RAP1GDS1: variants seen among roughly 807,000 people sequenced by gnomAD.
The protein encoded by RAP1GDS1 is RAP1, GTP-GDP dissociation stimulator 1.
A neutral mutation model predicts 71.1 loss-of-function variants in RAP1GDS1; 35 were observed. The ratio of observed to expected loss-of-function variants is 0.49; its 90% CI spans 0.38 to 0.65. RAP1GDS1 has a LOEUF of 0.65. RAP1GDS1 is among the 30% of genes least tolerant of loss of function. RAP1GDS1 has a pLI of 0.00. For missense variants in RAP1GDS1, 663 were observed against 706.1 expected, an observed-to-expected ratio of 0.94 and a Z score of 0.69; for synonymous variants, 229 against 243.1, an observed-to-expected ratio of 0.94 and a Z score of 0.54.
chr4:98,375,878 G>A (rs1741106033), intron 4 of RAP1GDS1, among the ~76,000 whole-genome samples: 1 of 152,152 alleles, frequency 6.6e-6, no homozygotes. Context: ...GTTAGATTCA[G>A]TGGCTGTATT....
chr4:98,372,153 T>C (rs1004271365), intron 4 of RAP1GDS1, among the ~76,000 whole-genome samples: 1 of 152,068 alleles, frequency 6.6e-6, no homozygotes, highest in Non-Finnish European at 1.5e-5. Flanking sequence ...CATTACTGGC[T>C]TCTTGTGTTT....
At chr4:98,297,513 T>C (rs1310427668) in intron 2 of RAP1GDS1, among the ~76,000 whole-genome samples, 1 of 152,176 alleles carries the variant, frequency 6.6e-6, no homozygotes, top group Non-Finnish European at 1.5e-5. Flanking sequence ...TTTCAGACAT[T>C]ATTATTATAT....
At chr4:98,363,426 GTGAGCCATCA>G (rs964929607) in intron 4 of RAP1GDS1, among the ~76,000 whole-genome samples, 1 of 135,092 alleles carries the variant, frequency 7.4e-6, no homozygotes, top group Non-Finnish European at 1.5e-5. Flanking sequence ...CTAGGCTGCA[GTGAGCCATCA>G]CACCACAGCA....
chr4:98,431,619 C>T (rs553889612), intron 12 of RAP1GDS1, among the ~76,000 whole-genome samples: 1 of 152,276 alleles, frequency 6.6e-6, no homozygotes, highest in Admixed American at 6.5e-5. Context: ...TTGGCTTTAC[C>T]ACTTATTTAT....
chr4:98,337,506 A>G (rs755514867), intron 2 of RAP1GDS1, among the ~76,000 whole-genome samples: 1 of 152,298 alleles, frequency 6.6e-6, no homozygotes. Context: ...ATATGGCCTT[A>G]TTTGTAATAT....
intron 1 of RAP1GDS1, among the ~76,000 whole-genome samples, chr4:98,264,026 T>C (rs533591708): frequency 2.0e-5 from 3 of 152,324 alleles, no homozygotes; most frequent in African/African-American, 7.2e-5. Flanking sequence ...ACAATTCATG[T>C]ACACATAAGA....
intron 1 of RAP1GDS1, among the ~76,000 whole-genome samples, chr4:98,279,203 G>A (rs529121590): frequency 1.3e-5 from 2 of 152,018 alleles, no homozygotes; most frequent in African/African-American, 2.4e-5. Context: ...CAGCCTGGGC[G>A]ACAGAGCAAG....
intron 14 of RAP1GDS1, among the ~76,000 whole-genome samples, chr4:98,437,886 AAG>A (rs1162151331): frequency 2.6e-5 from 4 of 152,140 alleles, no homozygotes; most frequent in Non-Finnish European, 5.9e-5. Flanking sequence ...GACACCTGAA[AAG>A]AGTGTGTATT....
At chr4:98,286,620 A>T (rs28536684) in intron 1 of RAP1GDS1, among the ~76,000 whole-genome samples, 22,356 of 151,994 alleles carry the variant, frequency 0.15, 2,449 homozygotes, top group African/African-American at 0.3. Context: ...CGCGGTGGCT[A>T]ACGCCTATAA....
chr4:98,276,337 A>G (rs1242550800), intron 1 of RAP1GDS1, among the ~76,000 whole-genome samples: 1 of 152,172 alleles, frequency 6.6e-6, no homozygotes, highest in African/African-American at 2.4e-5. Context: ...CATTCCATCT[A>G]TAACAAGTAC....
At chr4:98,426,920 A>G (rs1456539582) in intron 12 of RAP1GDS1, among the ~76,000 whole-genome samples, 3 of 152,188 alleles carry the variant, frequency 2.0e-5, no homozygotes, top group Admixed American at 6.5e-5. Context: ...TAACAAAAAA[A>G]GAAAACTACA....
At chr4:98,397,512 A>G (rs1409855546) in intron 6 of RAP1GDS1, among the ~76,000 whole-genome samples, 1 of 152,096 alleles carries the variant, frequency 6.6e-6, no homozygotes, top group Non-Finnish European at 1.5e-5. Flanking sequence ...GAACAACCTC[A>G]AGGGAAGGGA....
intron 7 of RAP1GDS1, among the ~76,000 whole-genome samples, chr4:98,416,264 A>T (rs1747966398): frequency 6.6e-6 from 1 of 151,748 alleles, no homozygotes; most frequent in Admixed American, 6.6e-5. Context: ...TATTTAAATG[A>T]ACTGTCAAGA....
At chr4:98,386,342 A>AT (rs988482195) in intron 5 of RAP1GDS1, among the ~76,000 whole-genome samples, 11 of 151,912 alleles carry the variant, frequency 7.2e-5, no homozygotes, top group Admixed American at 5.2e-4. Context: ...TTGCTTTGGC[A>AT]TTTTTTTGTT....
At chr4:98,386,414 A>T (rs1180896899) in intron 5 of RAP1GDS1, among the ~76,000 whole-genome samples, 1 of 151,938 alleles carries the variant, frequency 6.6e-6, no homozygotes, top group African/African-American at 2.4e-5. Flanking sequence ...TAAAACTTTT[A>T]CAAAAGGGAA....
intron 12 of RAP1GDS1, among the ~76,000 whole-genome samples, chr4:98,424,770 CA>C (rs1157760868): frequency 7.0e-3 from 583 of 83,662 alleles, no homozygotes; most frequent in Middle Eastern, 0.025. Flanking sequence ...ACTCTGTCTC[CA>C]AAAAAAAAAA....
intron 1 of RAP1GDS1, among the ~76,000 whole-genome samples, chr4:98,290,893 A>G (rs1160607303): frequency 1.3e-5 from 2 of 152,110 alleles, no homozygotes; most frequent in Non-Finnish European, 2.9e-5. Flanking sequence ...GGGCATGCAT[A>G]TATTATTCAG....
At chr4:98,375,339 C>T (rs1481987666) in intron 4 of RAP1GDS1, among the ~76,000 whole-genome samples, 1 of 152,152 alleles carries the variant, frequency 6.6e-6, no homozygotes, top group Non-Finnish European at 1.5e-5. Flanking sequence ...CCAGTAGGAC[C>T]TCACCTTAAC....
At position 98,343,160 on chromosome 4, in the gene RAP1GDS1, T is replaced by C. The variant is rs1735740401; in HGVS notation, c.134T>C (p.Ile45Thr). The C allele has an allele frequency of 6.2e-7, 1 of 1,608,592 alleles. No individual in the cohort carries two copies. Among genetic ancestry groups the C allele is most frequent in the East Asian group, 2.2e-5 (1 of 44,762 alleles). ...TTAGATACGGAAACAAGTGAAAAAA[T>C]CCAAGCAAGTGGAATACTTCAGCTG... is the stretch of plus-strand genomic sequence containing the variant. ...AQNNTETSEK[I>T]QASGILQLFA... The change falls in exon 3 of 15, where the codon ATC becomes ACC. Residue 45 changes from isoleucine to threonine, a missense_variant. By Grantham distance (89) the Ile-to-Thr change is moderately conservative. Transcript: ENST00000408927.
Sources: allele counts gnomAD v4.1 joint callset (sites outside exome capture counted in the v4.1 genomes callset), GRCh38; gene constraint gnomAD v4.1.1; transcripts MANE v1.5; gene names NCBI Gene and HGNC (gene_info 2026-07-23, HGNC 2026-07-21).